Variants in MCTP1 observed in about 807,000 individuals in gnomAD.
The protein encoded by MCTP1 is multiple C2 and transmembrane domain-containing protein 1.
MCTP1 carries 69 observed loss-of-function variants against 120.6 expected under a neutral mutation model. The observed-to-expected ratio is 0.57, with a 90% CI of 0.47 to 0.70. The LOEUF (loss-of-function observed/expected upper bound fraction) is 0.70. MCTP1 is among the 30% of genes least tolerant of loss of function. The probability of loss-of-function intolerance (pLI) is 0.00; values close to 1 mark genes in which losing one functional copy is unlikely to be tolerated. For missense variants in MCTP1, 1,203 were observed against 1,248.8 expected (o/e 0.96, Z 0.55); for synonymous variants, 529 against 493.1 (o/e 1.07, Z -0.96).
chr5:94,930,184 AAT>A (rs1276428489), intron 6 of MCTP1, among the ~76,000 whole-genome samples: 2 of 151,526 alleles, frequency 1.3e-5, no homozygotes, highest in Non-Finnish European at 2.9e-5. Context: ...ATGGAACAAA[AAT>A]ATGTTATATA....
At chr5:95,109,863 T>G (rs967944420) in intron 1 of MCTP1, among the ~76,000 whole-genome samples, 1 of 152,182 alleles carries the variant, frequency 6.6e-6, no homozygotes, top group Non-Finnish European at 1.5e-5. Flanking sequence ...TTTGCATAAA[T>G]TCCCATTTCC....
chr5:95,056,797 C>A (rs1747502257), intron 1 of MCTP1, among the ~76,000 whole-genome samples: 1 of 152,088 alleles, frequency 6.6e-6, no homozygotes. Context: ...GGAAGTACCA[C>A]TTTCTAAATT....
At chr5:95,205,856 A>T (rs1751560253) in intron 1 of MCTP1, among the ~76,000 whole-genome samples, 1 of 152,322 alleles carries the variant, frequency 6.6e-6, no homozygotes, top group Admixed American at 6.5e-5. Context: ...ACTCACTAAC[A>T]TAACTACAAT....
At chr5:95,256,819 C>T (rs1185707877) in intron 1 of MCTP1, among the ~76,000 whole-genome samples, 2 of 152,140 alleles carry the variant, frequency 1.3e-5, no homozygotes, top group Admixed American at 1.3e-4. Context: ...CCAAGTAGGA[C>T]ATTTTAGGGC....
chr5:95,198,470 T>C (rs1750635954), intron 1 of MCTP1, among the ~76,000 whole-genome samples: 1 of 152,204 alleles, frequency 6.6e-6, no homozygotes, highest in African/African-American at 2.4e-5. Context: ...GTAGGCTTTG[T>C]GTTAGACAAT....
rs1449550370 is a variant in MCTP1 at position 94,704,921 on chromosome 5, C to CTATT, written c.*2571_*2574dup. 2 of 151,100 alleles carry CTATT rather than the reference C, an allele frequency of 1.3e-5. No individual in the cohort carries two copies. The highest frequency in any genetic ancestry group is 4.8e-5 in the African/African-American group (2 of 41,288). The allele number at this position is 151,100 out of a possible 1,614,324, so 9.4% of individuals were successfully genotyped here. On this transcript the variant is annotated 3_prime_UTR_variant, in exon 23 of 23. Coordinates refer to ENST00000515393, the MANE Select transcript of MCTP1 (RefSeq NM_024717.7). ...ACAGTACCAGAATGAATGAGAAGTA[C>CTATT]TATTATGTTCTTTTTGATAAGTGGG...
intron 1 of MCTP1, among the ~76,000 whole-genome samples, chr5:95,067,141 G>A (rs1387956158): frequency 6.7e-6 from 1 of 148,832 alleles, no homozygotes; most frequent in African/African-American, 2.5e-5. Context: ...GGAGGGGTGG[G>A]AGTGGGGGGA....
chr5:94,975,521 C>T (rs1313319720), intron 2 of MCTP1, among the ~76,000 whole-genome samples: 1 of 151,900 alleles, frequency 6.6e-6, no homozygotes, highest in Non-Finnish European at 1.5e-5. Flanking sequence ...TTAGACTTCC[C>T]AGGCTTTAGA....
intron 1 of MCTP1, among the ~76,000 whole-genome samples, chr5:95,128,947 G>C (rs773598946): frequency 6.6e-6 from 1 of 152,106 alleles, no homozygotes; most frequent in Non-Finnish European, 1.5e-5. Context: ...CATTTAAGCA[G>C]CAAGAGGAAT....
intron 1 of MCTP1, among the ~76,000 whole-genome samples, chr5:95,152,189 T>A (rs1394046226): frequency 1.3e-5 from 2 of 152,214 alleles, no homozygotes; most frequent in African/African-American, 4.8e-5. Context: ...TAAGTTTCAA[T>A]GAAAATTCAG....
chr5:94,755,488 G>T (rs1445727320), intron 19 of MCTP1, among the ~76,000 whole-genome samples: 1 of 152,076 alleles, frequency 6.6e-6, no homozygotes, highest in Non-Finnish European at 1.5e-5. Flanking sequence ...TGCCTTCTGC[G>T]TTCTGCTCTC....
At chr5:95,127,527 A>T (rs995929150) in intron 1 of MCTP1, among the ~76,000 whole-genome samples, 2 of 152,110 alleles carry the variant, frequency 1.3e-5, no homozygotes, top group Non-Finnish European at 2.9e-5. Context: ...TTGGAAGAGC[A>T]TCTATTTGCC....
At chr5:95,000,201 G>A (rs4869226) in intron 2 of MCTP1, among the ~76,000 whole-genome samples, 4 of 152,108 alleles carry the variant, frequency 2.6e-5, no homozygotes, top group South Asian at 2.1e-4. Context: ...GTAAAGCTAC[G>A]GTGCTGCCAG....
chr5:95,186,236 A>G lies in MCTP1; in HGVS notation c.720+97620T>C, dbSNP rs190682030. 1.3e-4 allele frequency among the ~76,000 whole-genome samples: 20 copies of G among 151,650 alleles called. No individual in the cohort carries two copies. The East Asian group carries it at 3.5e-3, about 27-fold the overall frequency. On this transcript the variant is annotated intron_variant, in intron 1 of 22. Transcript: ENST00000515393. ...CTATTTGCAGATAACGTAATTGTCT[A>G]TGTAGAAAATCCCAAGGAATCTACC...
chr5:94,935,921 T>C (rs952247904), intron 5 of MCTP1, among the ~76,000 whole-genome samples: 2 of 152,086 alleles, frequency 1.3e-5, no homozygotes, highest in Non-Finnish European at 2.9e-5. Context: ...AGATGCAGTA[T>C]GCTATGTTTT....
chr5:95,260,276 G>A (rs1275369920), intron 1 of MCTP1, among the ~76,000 whole-genome samples: 3 of 152,118 alleles, frequency 2.0e-5, no homozygotes, highest in Non-Finnish European at 2.9e-5. Context: ...CCCTTGAGGC[G>A]CTCATCCAGT....
chr5:95,276,824 C>T (rs1373146556), intron 1 of MCTP1, among the ~76,000 whole-genome samples: 1 of 151,762 alleles, frequency 6.6e-6, no homozygotes, highest in Admixed American at 6.6e-5. Flanking sequence ...TGGTGGCGGG[C>T]GCCTGCAGTC....
intron 2 of MCTP1, among the ~76,000 whole-genome samples, chr5:94,977,547 G>T (rs970738886): frequency 1.6e-4 from 25 of 151,910 alleles, no homozygotes; most frequent in African/African-American, 6.0e-4. Flanking sequence ...AAAGCTGGAG[G>T]CATCATACTT....
At chr5:95,216,805 T>C (rs1190248391) in intron 1 of MCTP1, among the ~76,000 whole-genome samples, 1 of 152,220 alleles carries the variant, frequency 6.6e-6, no homozygotes, top group Non-Finnish European at 1.5e-5. Flanking sequence ...CAATCTAAAC[T>C]GTGCAACTGT....
Sources: gnomAD v4.1 joint callset for allele counts (sites outside exome capture counted in the v4.1 genomes callset) on GRCh38, gnomAD v4.1.1 for gene constraint, MANE v1.5 for transcripts, NCBI Gene and HGNC (gene_info 2026-07-23, HGNC 2026-07-21) for gene names.